Variants in SVIL observed in about 807,000 individuals in gnomAD.
SVIL encodes the protein archvillin.
A neutral mutation model predicts 240.4 loss-of-function variants in SVIL; 101 were observed. The ratio of observed to expected loss-of-function variants is 0.42; its 90% confidence interval spans 0.36 to 0.50. The LOEUF is 0.50. Ranked by LOEUF, SVIL falls within the 20% of genes least tolerant of loss-of-function variation. SVIL has a pLI of 0.01. For missense variants in SVIL, 2,512 were observed against 2,818.7 expected (o/e 0.89, Z 2.46); for synonymous variants, 999 against 1,100.0 (o/e 0.91, Z 1.82).
At chr10:29,526,389 C>A (rs1950918819) in intron 13 of SVIL, among the ~76,000 whole-genome samples, 1 of 144,684 alleles carries the variant, frequency 6.9e-6, no homozygotes, top group African/African-American at 2.6e-5. Context: ...ACTGCAACCT[C>A]TGCCTCCCAG....
intron 2 of SVIL, among the ~76,000 whole-genome samples, chr10:29,665,561 C>T (rs1260534319): frequency 1.3e-5 from 2 of 151,982 alleles, no homozygotes; most frequent in Admixed American, 6.6e-5. Flanking sequence ...TTTGGGAGGC[C>T]GAGGCTGGTG....
chr10:29,569,544 T>C (rs1334475867), intron 1 of SVIL, among the ~76,000 whole-genome samples: 1 of 152,168 alleles, frequency 6.6e-6, no homozygotes. Context: ...ACATACTCCA[T>C]GGGTAAATGA....
chr10:29,572,763 C>CAAAAAAAAAAAAAAAAAAAAAA (rs375180538), intron 1 of SVIL, among the ~76,000 whole-genome samples: 2 of 81,318 alleles, frequency 2.5e-5, no homozygotes, highest in African/African-American at 9.5e-5. Context: ...GATCCTATCT[C>CAAAAAAAAAAAAAAAAAAAAAA]AAAAAAAAAA....
At chr10:29,625,189 C>A (rs1957816492) in intron 1 of SVIL, among the ~76,000 whole-genome samples, 1 of 152,144 alleles carries the variant, frequency 6.6e-6, no homozygotes, top group Admixed American at 6.5e-5. Context: ...CTTCTAAAAT[C>A]ATCTCAAAGT....
intron 36 of SVIL, among the ~76,000 whole-genome samples, chr10:29,461,991 C>T (rs1051407071): frequency 2.0e-5 from 3 of 152,174 alleles, no homozygotes; most frequent in Non-Finnish European, 4.4e-5. Flanking sequence ...ATGAAGAGTT[C>T]GCAGCTTTTA....
chr10:29,490,831 G>T lies in SVIL; in HGVS notation c.4192+16C>A. The T allele has an allele frequency of 6.2e-7, 1 of 1,612,410 alleles. No individual in the cohort carries two copies. The highest frequency in any genetic ancestry group is 8.5e-7 in the Non-Finnish European group (1 of 1,178,604). On this transcript the variant is annotated intron_variant, in intron 22 of 37. Transcript: ENST00000355867. ...ATTCCCAAACACAGAAGCAGGGTGG[G>T]GGTTCAAATACTCACTCTTTTCTAC...
intron 1 of SVIL, among the ~76,000 whole-genome samples, chr10:29,711,754 T>G (rs2132669382): frequency 6.6e-6 from 1 of 151,002 alleles, no homozygotes; most frequent in African/African-American, 2.4e-5. Context: ...AAAGTGAGAC[T>G]CTGTCTCAAG....
At chr10:29,527,354 A>G (rs1950995917) in intron 12 of SVIL, among the ~76,000 whole-genome samples, 2 of 152,218 alleles carry the variant, frequency 1.3e-5, no homozygotes, top group South Asian at 4.1e-4. Context: ...AATTCAAAAA[A>G]GCAAATATTA....
chr10:29,464,081 G>A (rs1488359242), intron 34 of SVIL, among the ~76,000 whole-genome samples: 1 of 152,208 alleles, frequency 6.6e-6, no homozygotes, highest in East Asian at 1.9e-4. Context: ...TTCCTGCCCT[G>A]CACGCGATTG....
rs763214461 is a variant in SVIL, at chr10:29,486,103, G to C, written c.4761C>G (p.Ser1587=). 7.4e-6 allele frequency: 12 copies of C among 1,614,082 alleles called. No homozygotes were observed. In the South Asian group the frequency reaches 1.1e-4, roughly 15 times the overall value. Residue 1587 remains serine, a synonymous_variant, in exon 26 of 38, where the codon TCC becomes TCG. Transcript: ENST00000355867. ...DDYWGKIPKC[S]LLQPKEVLVF... ...ACTGTACCTCTTTGGGTTGCAGAAGGGAGCACTTCGGAATTTTCCCCCAGT... is the reference window on the plus strand; with the variant it reads ...ACTGTACCTCTTTGGGTTGCAGAAGCGAGCACTTCGGAATTTTCCCCCAGT...
rs148826588 is a variant in SVIL at position 29,469,782 on chromosome 10, C to T, written c.5843+494G>A. Among the ~76,000 whole-genome samples the T allele has an allele frequency of 6.4e-3, 975 of 152,254 alleles. 16 individuals are homozygous for T. Among genetic ancestry groups the T allele is most frequent in the African/African-American group, 0.022 (924 of 41,552 alleles). Reference sequence around the variant, plus strand: ...GGAAGTGCTGTACCCGGGAAGTGCCCGGAGAGTCCGATCCCTCTCCATCGG... The same window carrying T: ...GGAAGTGCTGTACCCGGGAAGTGCCTGGAGAGTCCGATCCCTCTCCATCGG... On this transcript the variant is annotated intron_variant, in intron 32 of 37. Transcript: ENST00000355867.
intron 3 of SVIL, among the ~76,000 whole-genome samples, chr10:29,642,756 T>C (rs1958532060): frequency 6.6e-6 from 1 of 152,152 alleles, no homozygotes; most frequent in Non-Finnish European, 1.5e-5. Context: ...TGATCTCAGC[T>C]CACTGCAGCC....
chr10:29,633,257 A>G (rs573846898), intron 1 of SVIL, among the ~76,000 whole-genome samples: 1 of 151,486 alleles, frequency 6.6e-6, no homozygotes, highest in East Asian at 1.9e-4. Context: ...AAAAAAAAAA[A>G]AGACATCACT....
intron 2 of SVIL, among the ~76,000 whole-genome samples, chr10:29,669,666 G>A (rs776016570): frequency 1.3e-5 from 2 of 152,168 alleles, no homozygotes; most frequent in African/African-American, 2.4e-5. Context: ...CACAGTGGAG[G>A]CACTGAGAAG....
intron 1 of SVIL, among the ~76,000 whole-genome samples, chr10:29,597,936 C>A (rs1956661315): frequency 6.6e-6 from 1 of 151,924 alleles, no homozygotes. Flanking sequence ...TGTCACAGAC[C>A]CAGCTTTGTG....
chr10:29,504,545 C>G (rs903084100), intron 17 of SVIL, among the ~76,000 whole-genome samples: 1 of 152,068 alleles, frequency 6.6e-6, no homozygotes, highest in Non-Finnish European at 1.5e-5. Flanking sequence ...GAATAGATAC[C>G]TCACCAAAGA....
intron 1 of SVIL, among the ~76,000 whole-genome samples, chr10:29,608,448 T>C (rs934819522): frequency 2.0e-5 from 3 of 152,214 alleles, no homozygotes; most frequent in Non-Finnish European, 4.4e-5. Flanking sequence ...CCCTGCACCC[T>C]ACCAAGCTGG....
At chr10:29,705,643 G>A (rs781442838) in intron 1 of SVIL, among the ~76,000 whole-genome samples, 12 of 151,804 alleles carry the variant, frequency 7.9e-5, no homozygotes, top group Non-Finnish European at 5.9e-5. Flanking sequence ...CCCTTGACCC[G>A]CAACCCCCGA....
intron 3 of SVIL, among the ~76,000 whole-genome samples, chr10:29,643,678 AGTCTGTCTTTCT>A (rs1202737386): frequency 6.6e-6 from 1 of 152,186 alleles, no homozygotes; most frequent in African/African-American, 2.4e-5. Flanking sequence ...CAATCAATTG[AGTCTGTCTTTCT>A]GTCTGTCTGG....
Sources: gnomAD v4.1 joint callset for allele counts (sites outside exome capture counted in the v4.1 genomes callset) on GRCh38, gnomAD v4.1.1 for gene constraint, MANE v1.5 for transcripts, NCBI Gene and HGNC (gene_info 2026-07-23, HGNC 2026-07-21) for gene names.